CAND1: variants seen among roughly 807,000 people sequenced by gnomAD.
CAND1 encodes cullin associated and neddylation dissociated 1.
In CAND1, 7 loss-of-function variants were observed where a neutral mutation model predicts 108.5. The observed-to-expected ratio is 0.06, with a 90% CI of 0.04 to 0.12. The LOEUF (loss-of-function observed/expected upper bound fraction) is 0.12, where lower values mean the gene tolerates loss of function less well. Ranked by LOEUF, CAND1 falls within the 10% of genes least tolerant of loss-of-function variation. CAND1 has a pLI of 1.00. For missense variants in CAND1, 941 were observed against 1,448.7 expected, an observed-to-expected ratio of 0.65 and a Z score of 5.69; for synonymous variants, 534 against 512.0, an observed-to-expected ratio of 1.04 and a Z score of -0.58.
chr12:67,282,782 A>G (rs12810364), intron 2 of CAND1, among the ~76,000 whole-genome samples: 5,172 of 152,342 alleles, frequency 0.034, 133 homozygotes, highest in Non-Finnish European at 0.051. Flanking sequence ...CAATATATAT[A>G]TCATCAGTTG....
chr12:67,314,177 G>T lies in CAND1; in HGVS notation c.*1347G>T, dbSNP rs893150480. On this transcript the variant is annotated 3_prime_UTR_variant, in exon 15 of 15. Transcript: ENST00000545606. ...AACATAGTTTACATGTATTGAAGGA[G>T]GCAGTTGTTAAATTGAGTGACCAAT... 6.6e-6 allele frequency: 1 copy of T among 152,150 alleles called. No individual in the cohort carries two copies. The highest frequency in any genetic ancestry group is 1.5e-5 in the Non-Finnish European group (1 of 68,010). The allele number at this position is 152,150 out of a possible 1,614,324, so 9.4% of individuals were successfully genotyped here.
At chr12:67,302,653 A>G in intron 8 of CAND1, 38 bp downstream of exon 8, 1 of 1,545,952 alleles carries the variant, frequency 6.5e-7, no homozygotes, top group South Asian at 1.2e-5. Context: ...TCATGATAGT[A>G]AATGCAATGC....
chr12:67,312,901 C>T lies in CAND1; in HGVS notation c.*71C>T, dbSNP rs995010018. 1.0e-6 allele frequency: 1 copy of T among 1,002,830 alleles called. No individual in the cohort carries two copies. Among genetic ancestry groups the T allele is most frequent in the Admixed American group, 2.5e-5 (1 of 39,916 alleles). 62.1% of individuals were successfully genotyped at this position (1,002,830 alleles called of 1,614,324 possible). A position where few individuals can be genotyped will look rare whatever the true frequency, so the allele number is the denominator to read the frequency against. On this transcript the variant is annotated 3_prime_UTR_variant, in exon 15 of 15. Transcript: ENST00000545606. ...CTGAATTGACAGGTTAATCATAAGA[C>T]ATGGAAAGAGAAGTGTCTAAAAGCT...
chr12:67,292,880 T>C (rs1285461300), intron 3 of CAND1, 104 bp downstream of exon 3: 17 of 1,018,980 alleles, frequency 1.7e-5, no homozygotes, highest in Non-Finnish European at 2.5e-5. Context: ...TGGCTGTCCT[T>C]ACAGATGTTC....
chr12:67,310,897 T>C (rs1170549618), intron 13 of CAND1: 1 of 152,150 alleles, frequency 6.6e-6, no homozygotes, highest in Non-Finnish European at 1.5e-5. Flanking sequence ...ATACTGCGTC[T>C]TATGTTTGGA....
Position 67,305,138 on chromosome 12 carries a change from A to G in CAND1, c.1470A>G (p.Ser490=). 2 of 1,611,130 alleles carry G rather than the reference A, an allele frequency of 1.2e-6. No individual in the cohort carries two copies. Among genetic ancestry groups the G allele is most frequent in the Non-Finnish European group, 1.7e-6 (2 of 1,178,604 alleles). The change falls in exon 10 of 15, where the codon TCA becomes TCG. Residue 490 remains serine, a synonymous_variant. Coordinates refer to ENST00000545606, the MANE Select transcript of CAND1 (RefSeq NM_018448.5). The surrounding 1 kb of genome is among the most constrained non-coding windows in gnomAD (Gnocchi z 4.4). ...IIFSLNDKSS[S]SNLKIDALSC... ...TCTCACTGAATGATAAATCAAGCTC[A>G]TCGAATTTGAAGATCGATGCTTTGT...
At chr12:67,282,479 C>T (rs1394706957) in intron 2 of CAND1, among the ~76,000 whole-genome samples, 1 of 152,024 alleles carries the variant, frequency 6.6e-6, no homozygotes, top group African/African-American at 2.4e-5. Context: ...CTCACCTTGT[C>T]TCCCAGGTGA....
chr12:67,281,689 C>A (rs1049233619), intron 1 of CAND1, among the ~76,000 whole-genome samples: 8 of 152,156 alleles, frequency 5.3e-5, no homozygotes, highest in Non-Finnish European at 1.2e-4. Flanking sequence ...TAAAAAGTCT[C>A]ACCGTCTCTC....
chr12:67,281,166 C>T (rs143872831), intron 1 of CAND1, among the ~76,000 whole-genome samples: 4,135 of 150,704 alleles, frequency 0.027, 90 homozygotes, highest in East Asian at 0.09. Flanking sequence ...ATAGTAAATA[C>T]TAAAAATACA....
chr12:67,291,831 A>G (rs930541244), intron 2 of CAND1, among the ~76,000 whole-genome samples: 3 of 152,154 alleles, frequency 2.0e-5, no homozygotes, highest in African/African-American at 7.2e-5. Context: ...CATTGTAGAA[A>G]AAACTTCTTG....
rs761271870 is a variant in CAND1, at chr12:67,269,697, G to A, written c.-21G>A. The A allele has an allele frequency of 3.1e-6, 5 of 1,595,414 alleles. No individual in the cohort carries two copies. The highest frequency in any genetic ancestry group is 4.3e-6 in the Non-Finnish European group (5 of 1,172,980). On this transcript the variant is annotated 5_prime_UTR_variant, in exon 1 of 15. Coordinates refer to ENST00000545606, the MANE Select transcript of CAND1 (RefSeq NM_018448.5). The stretch of plus-strand genomic sequence containing the variant: ...GGCAGCAGCTCCAGCAGCGCCAGCA[G>A]GCGGGATCGAGGCCGTCAACATGGC...
At chr12:67,285,489 C>A (rs566516997) in intron 2 of CAND1, among the ~76,000 whole-genome samples, 1 of 152,036 alleles carries the variant, frequency 6.6e-6, no homozygotes, top group Non-Finnish European at 1.5e-5. Flanking sequence ...ACAGGTAGAA[C>A]AATTGCTGAA....
chr12:67,284,220 C>T (rs1210336444), intron 2 of CAND1, among the ~76,000 whole-genome samples: 1 of 151,530 alleles, frequency 6.6e-6, no homozygotes, highest in Admixed American at 6.6e-5. Context: ...GTATGAAAAC[C>T]TTCCAGACTT....
intron 3 of CAND1, chr12:67,293,155 A>G (rs187989138): frequency 4.8e-6 from 1 of 207,602 alleles, no homozygotes; most frequent in East Asian, 1.7e-4. Flanking sequence ...ACTTTGCGTC[A>G]GTATTTGCTA....
intron 2 of CAND1, 72 bp from the exon 3 acceptor site, chr12:67,292,550 T>A (rs1247000105): frequency 9.1e-7 from 1 of 1,098,356 alleles, no homozygotes; most frequent in East Asian, 2.5e-5. Flanking sequence ...AAGGTTAACA[T>A]TTCTACTTAT....
intron 4 of CAND1, 148 bp from the exon 5 acceptor site, chr12:67,297,259 A>T: frequency 1.3e-6 from 1 of 774,434 alleles, no homozygotes; most frequent in South Asian, 1.4e-5. Context: ...AGATAAAGTG[A>T]TAATTTAATT....
chr12:67,288,297 T>A (rs907617809), intron 2 of CAND1, among the ~76,000 whole-genome samples: 1 of 151,906 alleles, frequency 6.6e-6, no homozygotes, highest in South Asian at 2.1e-4. Flanking sequence ...CTTGGCTAAT[T>A]TTTGTATTTT....
At position 67,305,237 on chromosome 12, in the gene CAND1, A is replaced by G; in HGVS notation, c.1569A>G (p.Pro523=). Residue 523 remains proline (P), a synonymous_variant, in exon 10 of 15, where the codon CCA becomes CCG. Coordinates refer to ENST00000545606, the MANE Select transcript of CAND1 (RefSeq NM_018448.5). The surrounding 1 kb of genome is among the most constrained non-coding windows in gnomAD (Gnocchi z 4.4). ...CTCACGTTCAGGCTTTGGTTCCTCCAGTGGTGGCTTGTGTTGGAGACCCAT... is the reference window on the plus strand; with the variant it reads ...CTCACGTTCAGGCTTTGGTTCCTCCGGTGGTGGCTTGTGTTGGAGACCCAT... ...FHPHVQALVP[P]VVACVGDPFY... 6.2e-7 allele frequency: 1 copy of G among 1,614,188 alleles called. No individual in the cohort carries two copies. Among genetic ancestry groups the G allele is most frequent in the East Asian group, 2.2e-5 (1 of 44,874 alleles).
chr12:67,276,542 A>G (rs768360422), intron 1 of CAND1, among the ~76,000 whole-genome samples: 5 of 152,186 alleles, frequency 3.3e-5, no homozygotes, highest in Non-Finnish European at 7.4e-5. Context: ...GGTCAATTCT[A>G]TGATTCGGCC....
Sources: allele counts gnomAD v4.1 joint callset (sites outside exome capture counted in the v4.1 genomes callset), GRCh38; gene constraint gnomAD v4.1.1; non-coding constraint Gnocchi (gnomAD v3.1); transcripts MANE v1.5; gene names NCBI Gene and HGNC (gene_info 2026-07-23, HGNC 2026-07-21).